The following SULF2 variants were observed in gnomAD, a reference collection of about 807,000 sequenced individuals.
SULF2 encodes the protein extracellular sulfatase Sulf-2.
SULF2 carries 52 observed loss-of-function variants against 107.7 expected under a neutral mutation model. The ratio of observed to expected loss-of-function variants is 0.48; its 90% CI spans 0.39 to 0.61. SULF2 has a LOEUF of 0.61. SULF2 is among the 20% of genes least tolerant of loss of function. SULF2 has a pLI of 0.00. For missense variants in SULF2, 993 were observed against 1,177.3 expected (o/e 0.84, Z 2.29); for synonymous variants, 460 against 464.3 (o/e 0.99, Z 0.12).
chr20:47,715,894 T>C (rs1188715732), intron 3 of SULF2, among the ~76,000 whole-genome samples: 2 of 150,702 alleles, frequency 1.3e-5, no homozygotes, highest in African/African-American at 2.5e-5. Context: ...CGTAGATTTG[T>C]TTTTTTATCA....
chr20:47,752,872 C>A (rs61347518), intron 2 of SULF2, among the ~76,000 whole-genome samples: 1 of 151,990 alleles, frequency 6.6e-6, no homozygotes, highest in East Asian at 1.9e-4. Context: ...GAGGCCGAGG[C>A]GGCGGACTGC....
chr20:47,756,540 A>C (rs888230430), intron 2 of SULF2, among the ~76,000 whole-genome samples: 8 of 152,182 alleles, frequency 5.3e-5, no homozygotes, highest in African/African-American at 1.9e-4. Context: ...GTTATCCTTT[A>C]AGAGTGGACA....
chr20:47,660,039 T>C (rs1454553311), intron 18 of SULF2, among the ~76,000 whole-genome samples: 1 of 152,194 alleles, frequency 6.6e-6, no homozygotes, highest in Non-Finnish European at 1.5e-5. Context: ...TGAACATCTG[T>C]GCTCCAGAGG....
At position 47,657,706 on chromosome 20, in the gene SULF2, AC is replaced by A. The variant is rs1302354903; in HGVS notation, c.*655del. 6.6e-6 allele frequency: 1 copy of A among 152,310 alleles called. No homozygotes were observed. Among genetic ancestry groups the A allele is most frequent in the East Asian group, 1.9e-4 (1 of 5,202 alleles). 9.4% of individuals were successfully genotyped at this position (152,310 alleles called of 1,614,324 possible). A position where few individuals can be genotyped will look rare whatever the true frequency, so the allele number is the denominator to read the frequency against. On this transcript the variant is annotated 3_prime_UTR_variant, in exon 21 of 21. Transcript: ENST00000688720. Reference sequence around the variant, plus strand: ...TGGCCACAGAGCGTTTATTGACACCACCACTCCTGAAAATTGGGATTTCTTA... The same window carrying A: ...TGGCCACAGAGCGTTTATTGACACCACACTCCTGAAAATTGGGATTTCTTA...
At chr20:47,709,909 T>TG (rs2088873036) in intron 3 of SULF2, among the ~76,000 whole-genome samples, 1 of 151,402 alleles carries the variant, frequency 6.6e-6, no homozygotes, top group South Asian at 2.1e-4. Context: ...CCACTTTTTT[T>TG]TTTTTTTTTT....
rs2086994601 is a variant in SULF2 at position 47,659,402 on chromosome 20, G to A, written c.2579C>T (p.Ser860Leu). 1.9e-6 allele frequency: 3 copies of A among 1,613,944 alleles called. No individual in the cohort carries two copies. Among genetic ancestry groups the A allele is most frequent in the South Asian group, 2.2e-5 (2 of 91,086 alleles). Reference sequence around the variant, plus strand: ...GTAAGCTGGTTCCTCAACTCACAGTGATTTGGAAGAAGGTCTCTTCATTTC... The same window carrying A: ...GTAAGCTGGTTCCTCAACTCACAGTAATTTGGAAGAAGGTCTCTTCATTTC... ...WPEMKRPSSK[S>L]LGQLWEGWEG is the part of the protein sequence containing the mutation. Residue 860 changes from serine (S) to leucine (L), a missense_variant, in exon 20 of 21, where the codon TCA becomes TTA. Around this residue, in one of 3 missense-constraint regions of SULF2, gnomAD observed 497 missense variants for 544.1 expected, o/e 0.91. Coordinates refer to ENST00000688720, the MANE Select transcript of SULF2 (RefSeq NM_001387048.1).
intron 3 of SULF2, among the ~76,000 whole-genome samples, chr20:47,728,012 G>A (rs1475943276): frequency 4.6e-5 from 7 of 152,184 alleles, no homozygotes; most frequent in African/African-American, 1.4e-4. Flanking sequence ...GAGGGGCTGT[G>A]CAATTCCCGT....
intron 11 of SULF2, among the ~76,000 whole-genome samples, chr20:47,671,437 T>A (rs2087467562): frequency 6.6e-6 from 1 of 152,042 alleles, no homozygotes; most frequent in South Asian, 2.1e-4. Context: ...CACGCCCAAC[T>A]AATTTTTTGT....
At chr20:47,781,069 ATGGT>A (rs1294131644) in intron 1 of SULF2, among the ~76,000 whole-genome samples, 1 of 152,226 alleles carries the variant, frequency 6.6e-6, no homozygotes, top group East Asian at 1.9e-4. Flanking sequence ...GATGATTCTC[ATGGT>A]GGGAGGTTAG....
intron 3 of SULF2, among the ~76,000 whole-genome samples, chr20:47,732,058 TTA>T (rs1555848767): frequency 0.01 from 1,531 of 151,956 alleles, 14 homozygotes; most frequent in Non-Finnish European, 0.015. Flanking sequence ...TAACTTTTTT[TTA>T]TTACTGTTTT....
At chr20:47,743,573 G>A (rs2089939728) in intron 2 of SULF2, among the ~76,000 whole-genome samples, 1 of 152,224 alleles carries the variant, frequency 6.6e-6, no homozygotes, top group African/African-American at 2.4e-5. Flanking sequence ...GCCTCCCAAA[G>A]TGTTGGGATA....
intron 10 of SULF2, among the ~76,000 whole-genome samples, chr20:47,673,494 C>G (rs1433182478): frequency 6.6e-6 from 1 of 152,062 alleles, no homozygotes; most frequent in African/African-American, 2.4e-5. Flanking sequence ...CCACCATCCC[C>G]CCCAACCCTC....
chr20:47,776,359 G>A (rs1011160706), intron 1 of SULF2, among the ~76,000 whole-genome samples: 1 of 152,218 alleles, frequency 6.6e-6, no homozygotes, highest in Non-Finnish European at 1.5e-5. Context: ...GCAGAGCAAG[G>A]AGAGACTTCG....
At chr20:47,761,620 T>C (rs971049945) in intron 1 of SULF2, among the ~76,000 whole-genome samples, 5 of 152,220 alleles carry the variant, frequency 3.3e-5, no homozygotes. Flanking sequence ...GCGCTCGCAC[T>C]CTCTTTTGAA....
intron 5 of SULF2, chr20:47,689,404 G>C (rs1440841073): frequency 6.6e-6 from 1 of 152,296 alleles, no homozygotes; most frequent in Non-Finnish European, 1.5e-5. Flanking sequence ...GGTGAGGCCA[G>C]CTATCATGCT....
At chr20:47,689,554 C>T (rs2088127570) in intron 5 of SULF2, 1 of 152,274 alleles carries the variant, frequency 6.6e-6, no homozygotes, top group Non-Finnish European at 1.5e-5. Context: ...GGGCCAGAAG[C>T]TCAGAACAGC....
chr20:47,762,928 G>A (rs1254613065), intron 1 of SULF2, among the ~76,000 whole-genome samples: 1 of 152,214 alleles, frequency 6.6e-6, no homozygotes, highest in East Asian at 1.9e-4. Context: ...GTCATCAGTG[G>A]GTCGATTTCT....
At chr20:47,714,344 T>G (rs1245824356) in intron 3 of SULF2, among the ~76,000 whole-genome samples, 2 of 152,212 alleles carry the variant, frequency 1.3e-5, no homozygotes, top group Non-Finnish European at 2.9e-5. Flanking sequence ...TTTCGCCCTG[T>G]GATCCATACA....
At position 47,682,977 on chromosome 20, in the gene SULF2, G is replaced by A. The variant is rs1568809382; in HGVS notation, c.1064+17C>T. The A allele has an allele frequency of 1.5e-5, 24 of 1,585,828 alleles. No homozygotes were observed. The highest frequency in any genetic ancestry group is 1.8e-5 in the Non-Finnish European group (21 of 1,162,084). On this transcript the variant is annotated intron_variant, in intron 7 of 20. Transcript: ENST00000688720. ...GCCCAGGGGCCTCCCTGGGTCCCTGGGGGATGACACACTTACAGACAGCCG... is the reference window on the plus strand; with the variant it reads ...GCCCAGGGGCCTCCCTGGGTCCCTGAGGGATGACACACTTACAGACAGCCG...
Sources: allele counts gnomAD v4.1 joint callset (sites outside exome capture counted in the v4.1 genomes callset), GRCh38; gene constraint gnomAD v4.1.1; regional missense constraint gnomAD v4.1.1; transcripts MANE v1.5; gene names NCBI Gene and HGNC (gene_info 2026-07-23, HGNC 2026-07-21).